Variants in FREM2 observed in about 807,000 individuals in gnomAD.
The protein encoded by FREM2 is FRAS1 related extracellular matrix 2, also known as FRAS1-related extracellular matrix protein 2.
In FREM2, 119 loss-of-function variants were observed where a neutral mutation model predicts 219.9. The observed-to-expected ratio is 0.54, with a 90% confidence interval of 0.47 to 0.63. FREM2 has a LOEUF of 0.63. Among genes scored for constraint, FREM2 ranks in the 30% least tolerant of loss-of-function variants. The pLI, the probability that FREM2 is intolerant of heterozygous loss-of-function variation, is 0.00. For synonymous variants in FREM2, 1,562 were observed against 1,522.8 expected (o/e 1.03, Z -0.60); for missense variants, 4,030 against 3,993.6 (o/e 1.01, Z -0.25).
chr13:38,837,132 T>A (rs1876744388), intron 6 of FREM2, among the ~76,000 whole-genome samples: 1 of 152,220 alleles, frequency 6.6e-6, no homozygotes, highest in African/African-American at 2.4e-5. Context: ...TAGATTCTGG[T>A]ACATTGTGTC....
Position 38,859,550 on chromosome 13 carries a change from G to A in FREM2, c.7479G>A (p.Leu2493=). Residue 2493 remains leucine, a synonymous_variant, in exon 14 of 24, where the codon CTG becomes CTA. Coordinates refer to ENST00000280481, the MANE Select transcript of FREM2 (RefSeq NM_207361.6). ...TGAACACCAATGGGGATGAAGGCCT[G>A]GAGCTCATGAGCCCTATTGTAACCA... is the stretch of plus-strand genomic sequence containing the variant. ...RAVNTNGDEG[L]ELMSPIVTIS... 6.2e-7 allele frequency: 1 copy of A among 1,614,048 alleles called. No individual in the cohort carries two copies. The highest frequency in any genetic ancestry group is 8.5e-7 in the Non-Finnish European group (1 of 1,179,998).
At chr13:38,806,908 C>G (rs9576616) in intron 6 of FREM2, among the ~76,000 whole-genome samples, 93,622 of 151,120 alleles carry the variant, frequency 0.62, 29,677 homozygotes, top group East Asian at 0.69. Context: ...AATGTTTACA[C>G]CATCTTCACC....
intron 6 of FREM2, among the ~76,000 whole-genome samples, chr13:38,835,718 G>A (rs556573487): frequency 6.6e-6 from 1 of 152,306 alleles, no homozygotes; most frequent in East Asian, 1.9e-4. Context: ...TTGCGAATGG[G>A]AGTTTGCTCA....
At chr13:38,781,598 A>G (rs371651329) in intron 4 of FREM2, among the ~76,000 whole-genome samples, 2 of 152,148 alleles carry the variant, frequency 1.3e-5, no homozygotes, top group East Asian at 3.8e-4. Flanking sequence ...CATATTTGAT[A>G]AATAAATAAT....
rs140456319 is a variant in FREM2 at position 38,880,461 on chromosome 13, G to T, written c.9184G>T (p.Ala3062Ser). ...AGAGATCAGGAGCACACCCTCACTG[G>T]CATGGGAGATTGGTGCTGAAAACAG... ...KREIRSTPSL[A>S]WEIGAENSRG... Residue 3062 changes from alanine (A) to serine (S), a missense_variant, in exon 24 of 24, where the codon GCA becomes TCA. Physicochemically the swap from Ala to Ser is moderately conservative, Grantham distance 99 (BLOSUM62 1). Around this residue, in one of 2 missense-constraint regions of FREM2, gnomAD observed 928 missense variants for 1,042.9 expected, o/e 0.89. Coordinates refer to ENST00000280481, the MANE Select transcript of FREM2 (RefSeq NM_207361.6). 1,191 of 1,613,976 alleles carry T rather than the reference G, an allele frequency of 7.4e-4. 18 individuals carry two copies. The South Asian group carries it at 0.012, about 16-fold the overall frequency.
At chr13:38,694,415 C>A (rs1278904032) in intron 1 of FREM2, among the ~76,000 whole-genome samples, 1 of 152,090 alleles carries the variant, frequency 6.6e-6, no homozygotes, top group Non-Finnish European at 1.5e-5. Context: ...GACTTTGATC[C>A]GTAGCTGTTA....
chr13:38,722,836 G>C (rs937898438), intron 2 of FREM2, among the ~76,000 whole-genome samples: 3 of 149,576 alleles, frequency 2.0e-5, no homozygotes, highest in Non-Finnish European at 4.4e-5. Flanking sequence ...AAGATTTCAA[G>C]TACTTTATCT....
At chr13:38,708,743 T>C (rs1870640359) in intron 2 of FREM2, among the ~76,000 whole-genome samples, 1 of 152,176 alleles carries the variant, frequency 6.6e-6, no homozygotes, top group Non-Finnish European at 1.5e-5. Context: ...TGTCTCTACT[T>C]TATAACTCTC....
chr13:38,787,782 G>A (rs1273243646), intron 6 of FREM2, among the ~76,000 whole-genome samples: 1 of 148,850 alleles, frequency 6.7e-6, no homozygotes, highest in Admixed American at 6.7e-5. Flanking sequence ...TATTAATTTA[G>A]CAATATTTAT....
intron 4 of FREM2, among the ~76,000 whole-genome samples, chr13:38,773,436 G>T (rs945283142): frequency 2.0e-5 from 3 of 152,012 alleles, no homozygotes; most frequent in Admixed American, 1.3e-4. Flanking sequence ...TGTCGCCCAG[G>T]CTTGAGCGCA....
At chr13:38,757,896 C>T (rs1210189215) in intron 2 of FREM2, among the ~76,000 whole-genome samples, 1 of 152,118 alleles carries the variant, frequency 6.6e-6, no homozygotes, top group African/African-American at 2.4e-5. Context: ...TCCCATTCCT[C>T]TTTCTCTACA....
chr13:38,780,443 C>T (rs907720172), intron 4 of FREM2, among the ~76,000 whole-genome samples: 11 of 152,314 alleles, frequency 7.2e-5, no homozygotes, highest in South Asian at 4.1e-4. Context: ...CTTCTATGAT[C>T]GCTTGCCTGC....
At chr13:38,829,621 T>G (rs1382562013) in intron 6 of FREM2, among the ~76,000 whole-genome samples, 1 of 151,090 alleles carries the variant, frequency 6.6e-6, no homozygotes, top group African/African-American at 2.4e-5. Context: ...AATGGAGACC[T>G]CAGTAAAATG....
chr13:38,746,309 T>C (rs902166691), intron 2 of FREM2, among the ~76,000 whole-genome samples: 5 of 152,194 alleles, frequency 3.3e-5, no homozygotes, highest in Non-Finnish European at 7.3e-5. Context: ...ACTATTCATA[T>C]GTCTTATGGC....
In FREM2 at chr13:38,840,245, A is replaced by G. The variant is rs554189403; in HGVS notation, c.6020-6328A>G. 9.9e-5 allele frequency among the ~76,000 whole-genome samples: 15 copies of G among 151,982 alleles called. No individual in the cohort carries two copies. The South Asian group carries it at 1.7e-3, about 17-fold the overall frequency. On this transcript the variant is annotated intron_variant, in intron 6 of 23. Coordinates refer to ENST00000280481, the MANE Select transcript of FREM2 (RefSeq NM_207361.6). ...CCCCTTGCACTTACCAGGTGAGGCA[A>G]CGCCCCACCCTGCTTCTGCTTGCTC...
chr13:38,779,581 A>G (rs1874034607), intron 4 of FREM2: 2 of 152,152 alleles, frequency 1.3e-5, no homozygotes, highest in South Asian at 4.1e-4. Context: ...GTAAAAAAAT[A>G]AAAAGTAAAA....
chr13:38,864,188 G>A, intron 15 of FREM2, 87 bp from the exon 16 acceptor site: 1 of 1,030,438 alleles, frequency 9.7e-7, no homozygotes. Context: ...TATGACACTT[G>A]TTTTCTTAAG....
intron 2 of FREM2, among the ~76,000 whole-genome samples, chr13:38,743,284 A>T (rs1872322927): frequency 6.6e-6 from 1 of 151,744 alleles, no homozygotes; most frequent in Non-Finnish European, 1.5e-5. Context: ...GCTATTTTAA[A>T]ATATATATAG....
chr13:38,704,627 G>A (rs1003978808), intron 2 of FREM2, among the ~76,000 whole-genome samples: 1 of 152,182 alleles, frequency 6.6e-6, no homozygotes, highest in Admixed American at 6.5e-5. Flanking sequence ...GCCTGATGGT[G>A]CAGAGCCTTG....
Sources: allele counts gnomAD v4.1 joint callset (sites outside exome capture counted in the v4.1 genomes callset), GRCh38; gene constraint gnomAD v4.1.1; regional missense constraint gnomAD v4.1.1; transcripts MANE v1.5; gene names NCBI Gene and HGNC (gene_info 2026-07-23, HGNC 2026-07-21).